The following TBCD variants were observed in gnomAD, a reference collection of about 807,000 sequenced individuals.
The protein encoded by TBCD is tubulin folding cofactor D.
TBCD carries 105 observed loss-of-function variants against 169.3 expected under a neutral mutation model. That is an observed-to-expected ratio of 0.62 (90% CI 0.53 to 0.73). The LOEUF is 0.73. Ranked by LOEUF, TBCD falls within the 30% of genes least tolerant of loss-of-function variation. The pLI, the probability that TBCD is intolerant of heterozygous loss-of-function variation, is 0.00. For synonymous variants in TBCD, 700 were observed against 643.9 expected (o/e 1.09, Z -1.32); for missense variants, 1,444 against 1,600.1 (o/e 0.90, Z 1.66).
At chr17:82,919,212 A>G (rs1184709865) in intron 23 of TBCD, among the ~76,000 whole-genome samples, 1 of 152,156 alleles carries the variant, frequency 6.6e-6, no homozygotes, top group Non-Finnish European at 1.5e-5. Flanking sequence ...GTCAGGTCCC[A>G]GCAGCCCCTC....
intron 12 of TBCD, among the ~76,000 whole-genome samples, chr17:82,810,848 C>T (rs905093187): frequency 3.3e-5 from 5 of 152,304 alleles, no homozygotes; most frequent in South Asian, 4.1e-4. Context: ...GGGACAGCTC[C>T]GGAGCCGTTC....
At chr17:82,800,645 C>T (rs1479365177) in intron 8 of TBCD, among the ~76,000 whole-genome samples, 1 of 152,148 alleles carries the variant, frequency 6.6e-6, no homozygotes, top group African/African-American at 2.4e-5. Context: ...CCTCTGAGTA[C>T]TTGCTCTCCT....
intron 13 of TBCD, chr17:82,830,638 CA>C (rs1567850900): frequency 1.9e-6 from 3 of 1,614,020 alleles, no homozygotes; most frequent in Non-Finnish European, 1.7e-6. Context: ...CTGGGTGTTA[CA>C]GGGGTCCTTC....
In TBCD at chr17:82,942,531, G is replaced by A. The variant is rs376170433; in HGVS notation, c.*68G>A. Reference sequence around the variant, plus strand: ...TGTCTTGTTCCTGAGGGAGGCCGGTGTGGAAAGCCTCGCACAGTGGTGCCT... The same window carrying A: ...TGTCTTGTTCCTGAGGGAGGCCGGTATGGAAAGCCTCGCACAGTGGTGCCT... On this transcript the variant is annotated 3_prime_UTR_variant, in exon 39 of 39. Transcript: ENST00000355528. The A allele has an allele frequency of 3.7e-6, 6 of 1,609,520 alleles. No homozygotes were observed. The African/African-American group carries it at 5.3e-5, about 14-fold the overall frequency.
intron 6 of TBCD, among the ~76,000 whole-genome samples, chr17:82,780,765 C>T (rs2048896105): frequency 6.8e-6 from 1 of 147,594 alleles, no homozygotes; most frequent in South Asian, 2.2e-4. Flanking sequence ...TGGCCTTAGC[C>T]TCCTGAGTAG....
At chr17:82,900,163 C>G (rs529999741) in intron 17 of TBCD, among the ~76,000 whole-genome samples, 2 of 152,322 alleles carry the variant, frequency 1.3e-5, no homozygotes, top group East Asian at 3.9e-4. Flanking sequence ...ACCCTGGAGC[C>G]CCCCCATGTC....
At chr17:82,902,002 C>A (rs769076572) in intron 18 of TBCD, among the ~76,000 whole-genome samples, 2 of 152,258 alleles carry the variant, frequency 1.3e-5, no homozygotes, top group Non-Finnish European at 2.9e-5. Context: ...CCAGCTGGTA[C>A]ATATGCCCGT....
At chr17:82,840,965 T>G (rs1259574061) in intron 13 of TBCD, among the ~76,000 whole-genome samples, 2 of 134,986 alleles carry the variant, frequency 1.5e-5, no homozygotes, top group Admixed American at 7.3e-5. Context: ...TTTTTTTTTT[T>G]TTTTTTTTTT....
chr17:82,754,269 CAT>C (rs2047286719), intron 1 of TBCD, among the ~76,000 whole-genome samples: 1 of 152,100 alleles, frequency 6.6e-6, no homozygotes, highest in Non-Finnish European at 1.5e-5. Flanking sequence ...GGTATACAAT[CAT>C]AGGGGAGTCG....
chr17:82,781,453 G>C, intron 6 of TBCD, 136 bp from the exon 7 acceptor site: 1 of 1,161,372 alleles, frequency 8.6e-7, no homozygotes, highest in African/African-American at 1.5e-5. Context: ...ACAGGACTCA[G>C]TACAGAGCTG....
chr17:82,811,998 A>T (rs1182445537), intron 12 of TBCD, among the ~76,000 whole-genome samples: 2 of 152,040 alleles, frequency 1.3e-5, no homozygotes, highest in Non-Finnish European at 2.9e-5. Context: ...GGGGTTCAGG[A>T]TCTGTGTGGC....
In TBCD at chr17:82,880,233, C is replaced by T. The variant is rs2058262128; in HGVS notation, c.1476-3912C>T. 6.6e-6 allele frequency among the ~76,000 whole-genome samples: 1 copy of T among 152,112 alleles called. No individual in the cohort carries two copies. The highest frequency in any genetic ancestry group is 2.4e-5 in the African/African-American group (1 of 41,400). On this transcript the variant is annotated intron_variant, in intron 14 of 38. Coordinates refer to ENST00000355528, the MANE Select transcript of TBCD (RefSeq NM_005993.5). The surrounding 1 kb of genome is among the most constrained non-coding windows in gnomAD (Gnocchi z 5.0). ...CTCGCTGTGTTGCCCAGACTGTACTCAAATTCCTGGGCTCAAGGGATCCTC... is the reference window on the plus strand; with the variant it reads ...CTCGCTGTGTTGCCCAGACTGTACTTAAATTCCTGGGCTCAAGGGATCCTC...
chr17:82,871,377 C>T (rs56264327), intron 14 of TBCD, among the ~76,000 whole-genome samples: 1,585 of 152,246 alleles, frequency 0.01, 20 homozygotes, highest in African/African-American at 0.035. Flanking sequence ...GAGCTGGAGG[C>T]GGGACACCGA....
chr17:82,902,695 T>TA (rs1185194246), intron 18 of TBCD, among the ~76,000 whole-genome samples: 3 of 152,212 alleles, frequency 2.0e-5, no homozygotes, highest in Non-Finnish European at 4.4e-5. Context: ...TTTAAATAAT[T>TA]AGAGGACAGA....
rs1568079966 is a variant in TBCD at position 82,752,235 on chromosome 17, G to A, written c.42G>A (p.Glu14=). 14 of 1,526,250 alleles carry A rather than the reference G, an allele frequency of 9.2e-6. No individual in the cohort carries two copies. Among genetic ancestry groups the A allele is most frequent in the Non-Finnish European group, 1.1e-5 (12 of 1,140,218 alleles). The allele number at this position is 1,526,250 out of a possible 1,614,324, so 94.5% of individuals were successfully genotyped here. A position where few individuals can be genotyped will look rare whatever the true frequency, so the allele number is the denominator to read the frequency against. ...SDEPAAGGPE[E]EAEDETLAFG... is the part of the protein sequence containing the mutation. ...AACCGGCCGCGGGCGGCCCCGAGGA[G>A]GAGGCGGAGGACGAGACACTGGCCT... The change falls in exon 1 of 39, where the codon GAG becomes GAA. Residue 14 remains glutamate (E), a synonymous_variant. Transcript: ENST00000355528.
rs761385056 is a variant in TBCD at position 82,925,055 on chromosome 17, C to A, written c.2377C>A (p.Gln793Lys). The A allele has an allele frequency of 6.4e-7, 1 of 1,553,512 alleles. No individual in the cohort carries two copies. The highest frequency in any genetic ancestry group is 8.7e-7 in the Non-Finnish European group (1 of 1,148,738). ...PGFLLKGRLQ[Q>K]VLTGLRAVTH... ...CTTCCTTCTGAAAGGCCGGCTCCAG[C>A]AGGTGAGGCTGGCCACGCGCAGTGG... is the stretch of plus-strand genomic sequence containing the variant. Residue 793 changes from glutamine (Q) to lysine (K), a missense_variant and splice_region_variant, in exon 27 of 39, where the codon CAG becomes AAG. Coordinates refer to ENST00000355528, the MANE Select transcript of TBCD (RefSeq NM_005993.5).
intron 38 of TBCD, chr17:82,941,778 G>A (rs111238005): frequency 2.9e-5 from 13 of 446,342 alleles, no homozygotes; most frequent in African/African-American, 2.2e-4. Flanking sequence ...CCTGGGGTCT[G>A]TTTGTGCTCC....
At chr17:82,778,357 A>T (rs978240714) in intron 6 of TBCD, among the ~76,000 whole-genome samples, 2 of 152,156 alleles carry the variant, frequency 1.3e-5, no homozygotes, top group Non-Finnish European at 2.9e-5. Context: ...GTTTGTCACC[A>T]CCTTAATGCT....
At chr17:82,767,884 G>A (rs1212888925) in intron 4 of TBCD, among the ~76,000 whole-genome samples, 1 of 152,026 alleles carries the variant, frequency 6.6e-6, no homozygotes, top group Non-Finnish European at 1.5e-5. Flanking sequence ...GAACCCGGAA[G>A]GTGGAGCTTG....
Sources: allele counts gnomAD v4.1 joint callset (sites outside exome capture counted in the v4.1 genomes callset), GRCh38; gene constraint gnomAD v4.1.1; non-coding constraint Gnocchi (gnomAD v3.1); transcripts MANE v1.5; gene names NCBI Gene and HGNC (gene_info 2026-07-23, HGNC 2026-07-21).